Variants in KCNMA1 observed in about 807,000 individuals in gnomAD.
KCNMA1 encodes Calcium-activated potassium channel subunit alpha-1.
Under a neutral mutation model 140.0 loss-of-function variants are expected in KCNMA1, and 29 were observed. That is an observed-to-expected ratio of 0.21 (90% confidence interval 0.15 to 0.28). The LOEUF (loss-of-function observed/expected upper bound fraction) is 0.28, where lower values mean the gene tolerates loss of function less well. Ranked by LOEUF, KCNMA1 falls within the 10% of genes least tolerant of loss-of-function variation. KCNMA1 has a pLI of 1.00. For missense variants in KCNMA1, 880 were observed against 1,602.2 expected (o/e 0.55, Z 7.70); for synonymous variants, 612 against 611.9 (o/e 1.00, Z 0.00).
At chr10:77,626,624 C>CA (rs1216464491) in intron 1 of KCNMA1, among the ~76,000 whole-genome samples, 3 of 152,138 alleles carry the variant, frequency 2.0e-5, no homozygotes, top group African/African-American at 7.2e-5. Context: ...GAGAAAACAA[C>CA]GTCAATGTGG....
At chr10:77,460,482 T>G (rs1167444819) in intron 1 of KCNMA1, among the ~76,000 whole-genome samples, 1 of 151,950 alleles carries the variant, frequency 6.6e-6, no homozygotes, top group Non-Finnish European at 1.5e-5. Flanking sequence ...GGAATCAACC[T>G]AAGTGTCCAT....
chr10:77,472,347 C>A (rs570309132), intron 1 of KCNMA1, among the ~76,000 whole-genome samples: 1 of 151,176 alleles, frequency 6.6e-6, no homozygotes, highest in South Asian at 2.1e-4. Flanking sequence ...CACATATACA[C>A]ATACACACAC....
At position 77,006,652 on chromosome 10, in the gene KCNMA1, C is replaced by T. The variant is rs79234901; in HGVS notation, c.2093-5072G>A. Among the ~76,000 whole-genome samples the T allele has an allele frequency of 6.0e-3, 911 of 152,348 alleles. 17 individuals carry two copies. Among genetic ancestry groups the T allele is most frequent in the African/African-American group, 0.021 (877 of 41,576 alleles). On this transcript the variant is annotated intron_variant, in intron 18 of 27. Transcript: ENST00000286628. Reference sequence around the variant, plus strand: ...AGAAAAAGCTAGTTAATGTCAGCAGCACAGAGCACACTGAGCTAGTTGATT... The same window carrying T: ...AGAAAAAGCTAGTTAATGTCAGCAGTACAGAGCACACTGAGCTAGTTGATT...
chr10:76,890,262 G>C (rs567344709), intron 26 of KCNMA1, among the ~76,000 whole-genome samples: 1 of 152,294 alleles, frequency 6.6e-6, no homozygotes, highest in Non-Finnish European at 1.5e-5. Flanking sequence ...ACTTGGAAAT[G>C]CTGGCTTCAG....
intron 1 of KCNMA1, among the ~76,000 whole-genome samples, chr10:77,446,645 A>G (rs187299058): frequency 6.5e-4 from 99 of 152,338 alleles, no homozygotes; most frequent in Non-Finnish European, 2.5e-4. Context: ...AGGACAACCA[A>G]CAAAGGCCAA....
intron 1 of KCNMA1, among the ~76,000 whole-genome samples, chr10:77,420,509 T>C (rs1210845643): frequency 6.6e-6 from 1 of 152,208 alleles, no homozygotes; most frequent in Non-Finnish European, 1.5e-5. Context: ...CCCTCAGATA[T>C]CACTTGTTTC....
chr10:77,363,409 G>T (rs1397012919), intron 2 of KCNMA1, among the ~76,000 whole-genome samples: 3 of 152,206 alleles, frequency 2.0e-5, no homozygotes, highest in Non-Finnish European at 2.9e-5. Context: ...AACAGCCAAG[G>T]ACACTCAATG....
Position 76,985,689 on chromosome 10 carries a change from A to T in KCNMA1, c.2267-15622T>A, listed in dbSNP as rs550987617. Among the ~76,000 whole-genome samples, 24 of 152,376 alleles carry T rather than the reference A, an allele frequency of 1.6e-4. No individual in the cohort carries two copies. The South Asian group carries it at 4.6e-3, about 29-fold the overall frequency. The stretch of plus-strand genomic sequence containing the variant: ...ATAGCAAAGGAACACAATAAAAAGC[A>T]GAAACAGGAATGTGATAGGTGACTC... On this transcript the variant is annotated intron_variant, in intron 19 of 27. Transcript: ENST00000286628.
intron 19 of KCNMA1, among the ~76,000 whole-genome samples, chr10:76,973,659 C>T (rs1237784500): frequency 2.0e-5 from 3 of 152,130 alleles, no homozygotes; most frequent in South Asian, 2.1e-4. Flanking sequence ...ACATTTTACT[C>T]GACTTTTCAT....
chr10:77,506,608 T>TGTGTGTGTGG (rs2046031574), intron 1 of KCNMA1, among the ~76,000 whole-genome samples: 1 of 135,850 alleles, frequency 7.4e-6, no homozygotes, highest in African/African-American at 3.2e-5. Flanking sequence ...TGTGTGTGTG[T>TGTGTGTGTGG]GTGTGTGTGT....
chr10:77,336,977 T>G (rs911728301), intron 2 of KCNMA1, among the ~76,000 whole-genome samples: 1 of 152,242 alleles, frequency 6.6e-6, no homozygotes, highest in South Asian at 2.1e-4. Context: ...AGGTCACCTC[T>G]TTCTGGAAGC....
At chr10:77,035,130 C>T (rs1310270786) in intron 15 of KCNMA1, among the ~76,000 whole-genome samples, 1 of 152,216 alleles carries the variant, frequency 6.6e-6, no homozygotes, top group Non-Finnish European at 1.5e-5. Flanking sequence ...CTCTTTGTCT[C>T]ATCTAAAGAG....
intron 1 of KCNMA1, among the ~76,000 whole-genome samples, chr10:77,610,970 G>GCCA (rs1336328627): frequency 1.3e-5 from 2 of 152,220 alleles, no homozygotes; most frequent in African/African-American, 4.8e-5. Context: ...TCAATTCCTG[G>GCCA]CTTAAGCCAT....
At chr10:77,286,280 G>C (rs2154302081) in intron 2 of KCNMA1, among the ~76,000 whole-genome samples, 1 of 152,188 alleles carries the variant, frequency 6.6e-6, no homozygotes, top group Middle Eastern at 3.4e-3. Context: ...CCTCGATCTT[G>C]TCACCCCAAC....
chr10:77,439,127 G>A (rs564029694), intron 1 of KCNMA1, among the ~76,000 whole-genome samples: 3 of 145,486 alleles, frequency 2.1e-5, no homozygotes, highest in Non-Finnish European at 1.5e-5. Flanking sequence ...GAAGAGAAGA[G>A]AAGAGAAGAG....
intron 12 of KCNMA1, 53 bp downstream of exon 12, chr10:77,084,584 G>A (rs2096652171): frequency 2.1e-6 from 3 of 1,398,266 alleles, no homozygotes; most frequent in Non-Finnish European, 3.0e-6. Context: ...AAAGGGCCGT[G>A]AACAGCCACA....
intron 3 of KCNMA1, among the ~76,000 whole-genome samples, chr10:77,186,778 TGTG>T (rs1249543344): frequency 2.5e-3 from 5 of 2,036 alleles, no homozygotes; most frequent in Non-Finnish European, 4.3e-3. Flanking sequence ...AAAGAGTAAA[TGTG>T]TGTGTGTGTG....
chr10:77,546,258 C>T (rs2061433874), intron 1 of KCNMA1, among the ~76,000 whole-genome samples: 2 of 152,196 alleles, frequency 1.3e-5, no homozygotes, highest in South Asian at 4.2e-4. Flanking sequence ...CCTCCTCTTC[C>T]TCCTCATCCT....
At chr10:77,052,968 C>T (rs1054040648) in intron 14 of KCNMA1, among the ~76,000 whole-genome samples, 2 of 152,188 alleles carry the variant, frequency 1.3e-5, no homozygotes, top group African/African-American at 4.8e-5. Flanking sequence ...AAAGTAATCT[C>T]AAACTTTCTG....
Sources: gnomAD v4.1 joint callset for allele counts (sites outside exome capture counted in the v4.1 genomes callset) on GRCh38, gnomAD v4.1.1 for gene constraint, MANE v1.5 for transcripts, NCBI Gene and HGNC (gene_info 2026-07-23, HGNC 2026-07-21) for gene names.